ACYP2: variants seen among roughly 807,000 people sequenced by gnomAD.
ACYP2 encodes acylphosphatase 2.
Under a neutral mutation model 11.2 loss-of-function variants are expected in ACYP2, and 12 were observed. The ratio of observed to expected loss-of-function variants is 1.08; its 90% CI spans 0.69 to 1.74. The LOEUF is 1.74. Among genes scored for constraint, ACYP2 ranks in the 40% most tolerant of loss-of-function variants. The pLI, the probability that ACYP2 is intolerant of heterozygous loss-of-function variation, is 0.00. For missense variants in ACYP2, 134 were observed against 101.9 expected (o/e 1.31, Z -1.35); for synonymous variants, 43 against 32.2 (o/e 1.33, Z -1.13).
intron 6 of ACYP2, among the ~76,000 whole-genome samples, chr2:54,247,453 T>C (rs1399944578): frequency 1.3e-5 from 2 of 152,230 alleles, no homozygotes; most frequent in Non-Finnish European, 2.9e-5. Context: ...CCTCAAAATA[T>C]ACTTCAGTTT....
In ACYP2 at chr2:54,304,954, G is replaced by T; in HGVS notation, c.*152G>T. ...CGTGCTACTAAAAATGTCTGACACTGAAATAATTTTACTCAACTATGTTTT... is the reference window on the plus strand; with the variant it reads ...CGTGCTACTAAAAATGTCTGACACTTAAATAATTTTACTCAACTATGTTTT... On this transcript the variant is annotated 3_prime_UTR_variant, in exon 7 of 7. Transcript: ENST00000607452. 1 of 421,670 alleles carries T rather than the reference G, an allele frequency of 2.4e-6. No homozygotes were observed. Among genetic ancestry groups the T allele is most frequent in the East Asian group, 3.5e-5 (1 of 28,966 alleles). 26.1% of individuals were successfully genotyped at this position (421,670 alleles called of 1,614,324 possible). A position where few individuals can be genotyped will look rare whatever the true frequency, so the allele number is the denominator to read the frequency against.
chr2:54,075,844 T>C (rs926251652), intron 4 of ACYP2, among the ~76,000 whole-genome samples: 1 of 152,078 alleles, frequency 6.6e-6, no homozygotes, highest in African/African-American at 2.4e-5. Flanking sequence ...TAAAATGATA[T>C]AATATTTACC....
chr2:54,066,615 C>A (rs530509707), intron 4 of ACYP2, among the ~76,000 whole-genome samples: 1 of 152,288 alleles, frequency 6.6e-6, no homozygotes, highest in South Asian at 2.1e-4. Context: ...GTTCCTTTCC[C>A]TTATTATGTG....
chr2:54,144,307 T>G (rs1017670204), intron 6 of ACYP2, among the ~76,000 whole-genome samples: 5 of 152,162 alleles, frequency 3.3e-5, no homozygotes, highest in African/African-American at 9.7e-5. Flanking sequence ...CAGATGTTCT[T>G]GGATTCCTTT....
intron 2 of ACYP2, among the ~76,000 whole-genome samples, chr2:54,013,381 A>G (rs1367793134): frequency 6.7e-6 from 1 of 149,658 alleles, no homozygotes; most frequent in Non-Finnish European, 1.5e-5. Context: ...GCTCACTGCA[A>G]CCTGTGCCTG....
intron 6 of ACYP2, among the ~76,000 whole-genome samples, chr2:54,230,247 A>C (rs1686174167): frequency 6.6e-6 from 1 of 152,188 alleles, no homozygotes; most frequent in Admixed American, 6.5e-5. Context: ...CACCCTTTTA[A>C]GTCCCAAAAG....
intron 4 of ACYP2, among the ~76,000 whole-genome samples, chr2:54,121,953 G>A (rs1680184401): frequency 6.6e-6 from 1 of 152,264 alleles, no homozygotes; most frequent in Non-Finnish European, 1.5e-5. Context: ...AGAAGAAATT[G>A]TAGTGTGATG....
At chr2:54,083,892 A>G (rs1346658815) in intron 4 of ACYP2, among the ~76,000 whole-genome samples, 1 of 152,204 alleles carries the variant, frequency 6.6e-6, no homozygotes, top group Non-Finnish European at 1.5e-5. Context: ...TACAGTTTTG[A>G]GCGCTCTCTT....
At chr2:54,285,399 A>G (rs779931099) in intron 6 of ACYP2, among the ~76,000 whole-genome samples, 3 of 152,108 alleles carry the variant, frequency 2.0e-5, no homozygotes, top group Non-Finnish European at 2.9e-5. Context: ...TTCTGTTTCC[A>G]TTTATTCCCA....
At chr2:54,064,320 C>G (rs897418652) in intron 4 of ACYP2, among the ~76,000 whole-genome samples, 2 of 152,186 alleles carry the variant, frequency 1.3e-5, no homozygotes, top group African/African-American at 4.8e-5. Context: ...ACCACCCAGC[C>G]AGTATCTGGG....
At chr2:53,998,787 G>A (rs944938597) in intron 2 of ACYP2, among the ~76,000 whole-genome samples, 1 of 152,130 alleles carries the variant, frequency 6.6e-6, no homozygotes, top group Non-Finnish European at 1.5e-5. Flanking sequence ...CTGTACTCCA[G>A]CCTGGAGGAC....
At chr2:54,293,116 TC>T (rs1689380928) in intron 6 of ACYP2, among the ~76,000 whole-genome samples, 2 of 152,204 alleles carry the variant, frequency 1.3e-5, no homozygotes, top group Non-Finnish European at 2.9e-5. Context: ...GGCAGTATAC[TC>T]CTCATTTTAC....
chr2:54,059,151 CTTTCT>C (rs1365835270), intron 4 of ACYP2, among the ~76,000 whole-genome samples: 1 of 152,128 alleles, frequency 6.6e-6, no homozygotes, highest in African/African-American at 2.4e-5. Flanking sequence ...CTTTTGTTTT[CTTTCT>C]TTTGAGTTAA....
At chr2:54,213,520 C>T (rs924803686) in intron 6 of ACYP2, among the ~76,000 whole-genome samples, 3 of 151,886 alleles carry the variant, frequency 2.0e-5, no homozygotes, top group African/African-American at 7.2e-5. Context: ...CTCCAAACTG[C>T]TTTCTAATTT....
At chr2:54,214,804 G>C (rs190419794) in intron 6 of ACYP2, among the ~76,000 whole-genome samples, 1 of 152,172 alleles carries the variant, frequency 6.6e-6, no homozygotes, top group Admixed American at 6.6e-5. Flanking sequence ...TTGGTAGTTT[G>C]ATAGGAATGG....
chr2:54,022,540 C>T (rs1159471163), intron 2 of ACYP2, among the ~76,000 whole-genome samples: 1 of 151,788 alleles, frequency 6.6e-6, no homozygotes, highest in Admixed American at 6.6e-5. Context: ...TGTCACCATG[C>T]TCAGCTAATT....
intron 2 of ACYP2, among the ~76,000 whole-genome samples, chr2:53,983,133 G>C (rs78328860): frequency 6.6e-6 from 1 of 152,056 alleles, no homozygotes; most frequent in Non-Finnish European, 1.5e-5. Flanking sequence ...TAGGATGCAA[G>C]GCCTAGACCA....
chr2:54,063,528 CTGG>C (rs1472278281), intron 4 of ACYP2, among the ~76,000 whole-genome samples: 1 of 152,192 alleles, frequency 6.6e-6, no homozygotes, highest in East Asian at 1.9e-4. Flanking sequence ...CAGCAGGAGA[CTGG>C]GTGGTGGGAA....
At chr2:54,117,668 T>A (rs1371315239) in intron 4 of ACYP2, among the ~76,000 whole-genome samples, 1 of 152,208 alleles carries the variant, frequency 6.6e-6, no homozygotes, top group East Asian at 1.9e-4. Flanking sequence ...ATCCTTGTAT[T>A]TGGTACTCTA....
Sources: gnomAD v4.1 joint callset for allele counts (sites outside exome capture counted in the v4.1 genomes callset) on GRCh38, gnomAD v4.1.1 for gene constraint, MANE v1.5 for transcripts, NCBI Gene and HGNC (gene_info 2026-07-23, HGNC 2026-07-21) for gene names.